Variants in TBCA observed in about 807,000 individuals in gnomAD.
The protein encoded by TBCA is tubulin-specific chaperone A.
Under a neutral mutation model 15.8 loss-of-function variants are expected in TBCA, and 6 were observed. The observed-to-expected ratio is 0.38, with a 90% CI of 0.21 to 0.75. The LOEUF (loss-of-function observed/expected upper bound fraction) is 0.75, where lower values mean the gene tolerates loss of function less well. Ranked by LOEUF, TBCA falls within the 30% of genes least tolerant of loss-of-function variation. The pLI is 0.46. For missense variants in TBCA, 90 were observed against 131.2 expected, an observed-to-expected ratio of 0.69 and a Z score of 1.53; for synonymous variants, 32 against 42.3, an observed-to-expected ratio of 0.76 and a Z score of 0.94.
intron 1 of TBCA, among the ~76,000 whole-genome samples, chr5:77,737,422 A>G (rs1746936075): frequency 6.6e-6 from 1 of 152,208 alleles, no homozygotes; most frequent in African/African-American, 2.4e-5. Flanking sequence ...TAAAGAAAGT[A>G]CAGTATTCCA....
At chr5:77,760,942 A>ACCCATCGTCTGGGAAGGGAGGAGCC (rs1747611619) in intron 1 of TBCA, among the ~76,000 whole-genome samples, 2 of 108,790 alleles carry the variant, frequency 1.8e-5, no homozygotes, top group Non-Finnish European at 3.8e-5. Context: ...AGGGAGGAGC[A>ACCCATCGTCTGGGAAGGGAGGAGCC]CCTCTGCCCG....
intron 2 of TBCA, 27 bp downstream of exon 2, chr5:77,708,215 C>G (rs759828358): frequency 1.4e-6 from 2 of 1,457,568 alleles, no homozygotes; most frequent in South Asian, 1.2e-5. Flanking sequence ...TAAATGTTAG[C>G]TATTGTTATT....
At chr5:77,756,627 A>AG (rs1364233712) in intron 1 of TBCA, among the ~76,000 whole-genome samples, 1 of 142,808 alleles carries the variant, frequency 7.0e-6, no homozygotes, top group Non-Finnish European at 1.5e-5. Context: ...ACTTCCTAAG[A>AG]GGAAAAAAAA....
chr5:77,772,311 C>G (rs1272222362), intron 1 of TBCA, among the ~76,000 whole-genome samples: 6 of 152,076 alleles, frequency 3.9e-5, no homozygotes, highest in Non-Finnish European at 7.4e-5. Context: ...GCTGCCTCAT[C>G]TATTTTTTAC....
At chr5:77,750,062 G>T (rs1182700200) in intron 1 of TBCA, among the ~76,000 whole-genome samples, 1 of 151,026 alleles carries the variant, frequency 6.6e-6, no homozygotes, top group Non-Finnish European at 1.5e-5. Flanking sequence ...TTCTCAGCTG[G>T]GTGGCTGGTG....
chr5:77,693,365 T>C lies in TBCA; in HGVS notation c.160-13A>G, dbSNP rs1745799769. Reference sequence around the variant, plus strand: ...GTAGGATCTCTGCCTAGAATGAGAATCTCTGTGAGACGTTCAAAGATGGCA... The same window carrying C: ...GTAGGATCTCTGCCTAGAATGAGAACCTCTGTGAGACGTTCAAAGATGGCA... On this transcript the variant is annotated splice_polypyrimidine_tract_variant and intron_variant, in intron 2 of 3. Transcript: ENST00000380377. 3 of 1,606,898 alleles carry C rather than the reference T, an allele frequency of 1.9e-6. No homozygotes were observed. Among genetic ancestry groups the C allele is most frequent in the African/African-American group, 2.7e-5 (2 of 74,304 alleles).
At chr5:77,714,279 C>T (rs1468968469) in intron 1 of TBCA, among the ~76,000 whole-genome samples, 1 of 151,996 alleles carries the variant, frequency 6.6e-6, no homozygotes, top group Non-Finnish European at 1.5e-5. Flanking sequence ...AAGATCGTAC[C>T]ACTGCATTCC....
chr5:77,772,001 T>C (rs1178400821), intron 1 of TBCA, among the ~76,000 whole-genome samples: 3 of 151,634 alleles, frequency 2.0e-5, no homozygotes, highest in Non-Finnish European at 2.9e-5. Flanking sequence ...AATGAGGCTA[T>C]GGAAAATGAA....
At chr5:77,750,884 A>C (rs1224218930) in intron 1 of TBCA, among the ~76,000 whole-genome samples, 1 of 152,190 alleles carries the variant, frequency 6.6e-6, no homozygotes, top group Non-Finnish European at 1.5e-5. Flanking sequence ...ACTCAAAGGC[A>C]AGGTGCTTCC....
chr5:77,752,429 T>C (rs1747368604), intron 1 of TBCA, among the ~76,000 whole-genome samples: 1 of 152,232 alleles, frequency 6.6e-6, no homozygotes, highest in African/African-American at 2.4e-5. Flanking sequence ...TTTTATCTGA[T>C]CTCCGCTCAC....
intron 1 of TBCA, among the ~76,000 whole-genome samples, chr5:77,757,361 G>T (rs1406366972): frequency 6.6e-6 from 1 of 152,116 alleles, no homozygotes; most frequent in African/African-American, 2.4e-5. Flanking sequence ...CTAGAGGCAG[G>T]AAAAAAACTC....
At chr5:77,738,826 G>C (rs942777732) in intron 1 of TBCA, among the ~76,000 whole-genome samples, 2 of 151,926 alleles carry the variant, frequency 1.3e-5, no homozygotes, top group Non-Finnish European at 2.9e-5. Context: ...CAGGTGATCC[G>C]CCTGCCTCAG....
intron 1 of TBCA, among the ~76,000 whole-genome samples, chr5:77,719,036 C>T (rs971213749): frequency 1.3e-5 from 2 of 152,158 alleles, no homozygotes; most frequent in Non-Finnish European, 2.9e-5. Context: ...AATAAATCCC[C>T]CAAGGTGTGA....
intron 1 of TBCA, among the ~76,000 whole-genome samples, chr5:77,755,822 T>G (rs966058241): frequency 6.6e-6 from 1 of 151,620 alleles, no homozygotes; most frequent in Non-Finnish European, 1.5e-5. Context: ...ATAACCAACA[T>G]GGAAAAACCC....
chr5:77,765,741 A>C (rs920008605), intron 1 of TBCA, among the ~76,000 whole-genome samples: 4 of 152,140 alleles, frequency 2.6e-5, no homozygotes, highest in Admixed American at 2.0e-4. Context: ...GAGAAGAGAT[A>C]TACTTCCACA....
intron 1 of TBCA, among the ~76,000 whole-genome samples, chr5:77,768,246 C>T (rs1420440660): frequency 1.3e-5 from 2 of 152,108 alleles, no homozygotes; most frequent in African/African-American, 2.4e-5. Context: ...ATTTATTGAA[C>T]ATTTACTACA....
intron 1 of TBCA, among the ~76,000 whole-genome samples, chr5:77,721,388 AG>A (rs1384318165): frequency 2.6e-5 from 4 of 152,194 alleles, no homozygotes; most frequent in Admixed American, 1.3e-4. Flanking sequence ...AAATGGTCCA[AG>A]AAGCATGTAT....
intron 1 of TBCA, among the ~76,000 whole-genome samples, chr5:77,716,205 A>G (rs1746396281): frequency 6.6e-6 from 1 of 152,224 alleles, no homozygotes; most frequent in Non-Finnish European, 1.5e-5. Flanking sequence ...AATCTAAGTT[A>G]GTGTATTTCA....
intron 1 of TBCA, among the ~76,000 whole-genome samples, chr5:77,718,181 G>C (rs1352334592): frequency 6.6e-6 from 1 of 152,068 alleles, no homozygotes; most frequent in Admixed American, 6.6e-5. Context: ...AATCATGGTG[G>C]CTACTAAAGG....
Sources: gnomAD v4.1 joint callset for allele counts (sites outside exome capture counted in the v4.1 genomes callset) on GRCh38, gnomAD v4.1.1 for gene constraint, MANE v1.5 for transcripts, NCBI Gene and HGNC (gene_info 2026-07-23, HGNC 2026-07-21) for gene names.